The following SESN1 variants were observed in gnomAD, a reference collection of about 807,000 sequenced individuals.
The protein encoded by SESN1 is sestrin 1.
SESN1 carries 30 observed loss-of-function variants against 59.3 expected under a neutral mutation model. That is an observed-to-expected ratio of 0.51 (90% CI 0.38 to 0.69). The LOEUF is 0.69. Ranked by LOEUF, SESN1 falls within the 30% of genes least tolerant of loss-of-function variation. SESN1 has a pLI of 0.00. For synonymous variants in SESN1, 197 were observed against 219.9 expected (o/e 0.90, Z 0.92); for missense variants, 566 against 673.0 (o/e 0.84, Z 1.76).
chr6:109,028,100 C>T (rs181777068), intron 1 of SESN1, among the ~76,000 whole-genome samples: 81 of 152,012 alleles, frequency 5.3e-4, no homozygotes, highest in African/African-American at 1.8e-3. Context: ...ATGTCTCATG[C>T]TTGTATTCTA....
intron 1 of SESN1, among the ~76,000 whole-genome samples, chr6:109,016,474 C>T (rs1779930809): frequency 6.6e-6 from 1 of 152,030 alleles, no homozygotes; most frequent in Non-Finnish European, 1.5e-5. Flanking sequence ...TCTTGCTTTC[C>T]AAGAGGGTAT....
At chr6:109,071,127 T>C (rs567897767) in intron 1 of SESN1, among the ~76,000 whole-genome samples, 1 of 152,234 alleles carries the variant, frequency 6.6e-6, no homozygotes, top group African/African-American at 2.4e-5. Context: ...TGTTGGACAA[T>C]GTATGTGATA....
chr6:109,026,382 A>G (rs1780093365), intron 1 of SESN1, among the ~76,000 whole-genome samples: 1 of 152,214 alleles, frequency 6.6e-6, no homozygotes, highest in South Asian at 2.1e-4. Flanking sequence ...TTATGGGTAA[A>G]ATTCTCACCT....
intron 1 of SESN1, among the ~76,000 whole-genome samples, chr6:109,058,032 A>G (rs937359733): frequency 6.6e-6 from 1 of 151,312 alleles, no homozygotes; most frequent in Non-Finnish European, 1.5e-5. Flanking sequence ...AATATTGTAC[A>G]GTAACTTTTT....
At chr6:109,084,918 G>A (rs915534773) in intron 1 of SESN1, among the ~76,000 whole-genome samples, 18 of 151,976 alleles carry the variant, frequency 1.2e-4, no homozygotes, top group South Asian at 4.1e-4. Context: ...GAGTCTACTC[G>A]TAATAGACAG....
intron 1 of SESN1, among the ~76,000 whole-genome samples, chr6:109,070,116 C>T (rs1056565880): frequency 6.6e-6 from 1 of 152,096 alleles, no homozygotes; most frequent in African/African-American, 2.4e-5. Flanking sequence ...AACAGATTCA[C>T]ATTGAACAAA....
intron 1 of SESN1, among the ~76,000 whole-genome samples, chr6:109,070,322 C>T (rs1780910156): frequency 6.6e-6 from 1 of 152,206 alleles, no homozygotes; most frequent in African/African-American, 2.4e-5. Context: ...GTAGGAATCT[C>T]TACTCAAATG....
intron 1 of SESN1, among the ~76,000 whole-genome samples, chr6:109,046,524 G>T (rs1335389507): frequency 6.8e-6 from 1 of 147,292 alleles, no homozygotes; most frequent in Non-Finnish European, 1.5e-5. Context: ...GAAGTGAGGA[G>T]TGTCTCTGCC....
chr6:109,091,250 C>T (rs1338155786), intron 1 of SESN1, among the ~76,000 whole-genome samples: 1 of 152,140 alleles, frequency 6.6e-6, no homozygotes, highest in Non-Finnish European at 1.5e-5. Context: ...TACAGTGACA[C>T]GCTGTACGGG....
rs201869796 is a variant in SESN1, at chr6:109,001,432, A to C, written c.402T>G (p.Phe134Leu). ...TGTTATCCAAACGGCCCAAAGCAGC[A>C]AAAGAATCTGCAAATAAAGCATGCA... ...AQMHALFADS[F>L]AALGRLDNIT... Residue 134 changes from phenylalanine (F) to leucine (L), a missense_variant, in exon 3 of 10, where the codon TTT becomes TTG. By Grantham distance (22) the Phe-to-Leu change is conservative. Transcript: ENST00000436639. The C allele has an allele frequency of 1.9e-6, 3 of 1,613,926 alleles. No homozygotes were observed. The highest frequency in any genetic ancestry group is 3.3e-5 in the Admixed American group (2 of 59,994).
rs1562453163 is a variant in SESN1 at position 108,992,874 on chromosome 6, T to C, written c.1146A>G (p.Arg382=). 6.2e-7 allele frequency: 1 copy of C among 1,612,898 alleles called. No homozygotes were observed. Among genetic ancestry groups the C allele is most frequent in the East Asian group, 2.2e-5 (1 of 44,798 alleles). ...TATCCTCAAAATGACGAGATACAGC[T>C]CTTGCTGGTGTAACTTCTTCATCAT... ...SSDDEEVTPA[R]AVSRHFEDTS... The change falls in exon 7 of 10, where the codon AGA becomes AGG. Residue 382 remains arginine, a synonymous_variant. Transcript: ENST00000436639.
chr6:109,065,022 T>C (rs894070739), intron 1 of SESN1, among the ~76,000 whole-genome samples: 12 of 152,166 alleles, frequency 7.9e-5, no homozygotes, highest in African/African-American at 2.9e-4. Context: ...GTATGTAACA[T>C]AGGTTACCTG....
chr6:109,039,262 C>T (rs373160134), intron 1 of SESN1, among the ~76,000 whole-genome samples: 18 of 152,162 alleles, frequency 1.2e-4, no homozygotes, highest in African/African-American at 3.6e-4. Flanking sequence ...TAAATTTTGC[C>T]TACTTCACAA....
rs182043039 is a variant in SESN1 at position 109,063,566 on chromosome 6, G to C, written c.279+30229C>G. Reference sequence around the variant, plus strand: ...AACTCACTATCTTGCCAGAAGATGAGTTTTGCCTAATCCTTGAATCCTGAG... The same window carrying C: ...AACTCACTATCTTGCCAGAAGATGACTTTTGCCTAATCCTTGAATCCTGAG... On this transcript the variant is annotated intron_variant, in intron 1 of 9. Transcript: ENST00000436639. Among the ~76,000 whole-genome samples, 30 of 152,298 alleles carry C rather than the reference G, an allele frequency of 2.0e-4. No homozygotes were observed. In the East Asian group the frequency reaches 3.5e-3, roughly 18 times the overall value.
chr6:109,005,617 A>G (rs1310663757), intron 1 of SESN1, among the ~76,000 whole-genome samples: 1 of 152,166 alleles, frequency 6.6e-6, no homozygotes, highest in Non-Finnish European at 1.5e-5. Context: ...AGTATTTCCT[A>G]TATTTATGGC....
intron 7 of SESN1, among the ~76,000 whole-genome samples, chr6:108,992,409 G>A (rs556804130): frequency 2.0e-5 from 3 of 152,234 alleles, no homozygotes; most frequent in Non-Finnish European, 2.9e-5. Context: ...GAGCCATTGT[G>A]CCAGGCCCCT....
chr6:108,997,015 T>C (rs1455265665), intron 5 of SESN1, among the ~76,000 whole-genome samples: 1 of 149,638 alleles, frequency 6.7e-6, no homozygotes, highest in Non-Finnish European at 1.5e-5. Context: ...AAGAAATGAA[T>C]AAGTAGTTTC....
chr6:109,012,095 A>G (rs1405640228), intron 1 of SESN1, among the ~76,000 whole-genome samples: 2 of 152,242 alleles, frequency 1.3e-5, no homozygotes, highest in Admixed American at 6.5e-5. Context: ...ACATACAGGC[A>G]TGCGATAAAC....
intron 1 of SESN1, among the ~76,000 whole-genome samples, chr6:109,064,117 A>G (rs1780776350): frequency 6.6e-6 from 1 of 152,154 alleles, no homozygotes; most frequent in Non-Finnish European, 1.5e-5. Context: ...GAATCTTAGT[A>G]AACTAGTATT....
Sources: allele counts gnomAD v4.1 joint callset (sites outside exome capture counted in the v4.1 genomes callset), GRCh38; gene constraint gnomAD v4.1.1; transcripts MANE v1.5; gene names NCBI Gene and HGNC (gene_info 2026-07-23, HGNC 2026-07-21).